The following ARRB1 variants were observed in gnomAD, a reference collection of about 807,000 sequenced individuals.
ARRB1 encodes arrestin beta 1, also known as beta-arrestin-1.
A neutral mutation model predicts 56.8 loss-of-function variants in ARRB1; 21 were observed. The observed-to-expected ratio is 0.37, with a 90% CI of 0.26 to 0.53. The LOEUF (loss-of-function observed/expected upper bound fraction) is 0.53. Ranked by LOEUF, ARRB1 falls within the 20% of genes least tolerant of loss-of-function variation. The probability of loss-of-function intolerance (pLI) is 0.88; values close to 1 mark genes in which losing one functional copy is unlikely to be tolerated. For missense variants in ARRB1, 424 were observed against 553.7 expected, an observed-to-expected ratio of 0.77 and a Z score of 2.35; for synonymous variants, 210 against 218.6, an observed-to-expected ratio of 0.96 and a Z score of 0.35.
rs1335903129 is a variant in ARRB1 at position 75,263,097 on chromosome 11, T to G, written c.*3066A>C. On this transcript the variant is annotated 3_prime_UTR_variant, in exon 16 of 16. Coordinates refer to ENST00000420843, the MANE Select transcript of ARRB1 (RefSeq NM_004041.5). ...TCCCAGTGACGGATGGCTTGGCCAG[T>G]GCAGGCCCCAAACACTTGGCAGAGA... 6.6e-6 allele frequency among the ~76,000 whole-genome samples: 1 copy of G among 152,190 alleles called. No individual in the cohort carries two copies. Among genetic ancestry groups the G allele is most frequent in the Non-Finnish European group, 1.5e-5 (1 of 68,024 alleles).
At chr11:75,269,119 C>A in intron 13 of ARRB1, 160 bp from the exon 14 acceptor site, 1 of 785,696 alleles carries the variant, frequency 1.3e-6, no homozygotes, top group East Asian at 2.5e-5. Flanking sequence ...CTCGGAGCCT[C>A]GGTCTGCCTG....
chr11:75,316,121 A>T lies in ARRB1; in HGVS notation c.21-26082T>A, dbSNP rs575452867. ...GGCAGACAGATCACCTGAGATCAGG[A>T]GTTCAAGACCAGGCTGGCCAACATG... On this transcript the variant is annotated intron_variant, in intron 1 of 15. Coordinates refer to ENST00000420843, the MANE Select transcript of ARRB1 (RefSeq NM_004041.5). Among the ~76,000 whole-genome samples the T allele has an allele frequency of 3.3e-5, 5 of 152,290 alleles. No homozygotes were observed. In the South Asian group the frequency reaches 1.0e-3, roughly 32 times the overall value.
chr11:75,299,302 CAGG>C (rs982573698), intron 1 of ARRB1, among the ~76,000 whole-genome samples: 10 of 151,180 alleles, frequency 6.6e-5, no homozygotes, highest in African/African-American at 2.4e-4. Flanking sequence ...TAAATACTGA[CAGG>C]AGTTGAAGAA....
At chr11:75,290,399 T>A (rs1176287185) in intron 1 of ARRB1, among the ~76,000 whole-genome samples, 1 of 151,998 alleles carries the variant, frequency 6.6e-6, no homozygotes, top group Non-Finnish European at 1.5e-5. Context: ...CCTACTACTC[T>A]CCCTCACCCA....
intron 1 of ARRB1, among the ~76,000 whole-genome samples, chr11:75,311,359 AATTAAG>A (rs1005089111): frequency 6.6e-6 from 1 of 152,220 alleles, no homozygotes; most frequent in African/African-American, 2.4e-5. Context: ...AAATTAAAAA[AATTAAG>A]AGGCCACAGC....
chr11:75,274,165 T>A lies in ARRB1; in HGVS notation c.823A>T (p.Thr275Ser). The change falls in exon 11 of 16, where the codon ACC (threonine) becomes TCC (serine). Residue 275 changes from threonine to serine, a missense_variant. Transcript: ENST00000420843. ...SSTFCKVYTL[T>S]PFLANNREKR... ...TCTCGGTTATTGGCTAGGAAGGGGG[T>A]CAGTGTGTAGACCTTGCAGAACGTC... 1 of 1,614,010 alleles carries A rather than the reference T, an allele frequency of 6.2e-7. No homozygotes were observed. The highest frequency in any genetic ancestry group is 8.5e-7 in the Non-Finnish European group (1 of 1,179,976).
chr11:75,319,487 C>T (rs577735924), intron 1 of ARRB1, among the ~76,000 whole-genome samples: 49 of 152,336 alleles, frequency 3.2e-4, no homozygotes, highest in Middle Eastern at 3.4e-3. Flanking sequence ...CCTTCCCACC[C>T]TGCCTCTCTG....
chr11:75,339,525 AAC>A (rs1947664190), intron 1 of ARRB1, among the ~76,000 whole-genome samples: 1 of 152,194 alleles, frequency 6.6e-6, no homozygotes, highest in Admixed American at 6.5e-5. Flanking sequence ...CCTGGATGAA[AAC>A]ACATGTCACA....
intron 10 of ARRB1, 149 bp from the exon 11 acceptor site, chr11:75,274,360 A>G (rs1317944960): frequency 8.9e-7 from 1 of 1,128,794 alleles, no homozygotes; most frequent in Non-Finnish European, 1.2e-6. Context: ...CACTTGGGCC[A>G]GCCCAGCTCG....
intron 1 of ARRB1, among the ~76,000 whole-genome samples, chr11:75,296,358 T>C (rs1026190165): frequency 6.6e-6 from 1 of 152,188 alleles, no homozygotes; most frequent in Admixed American, 6.6e-5. Flanking sequence ...TCCGTGTCTG[T>C]GCAGACTGCT....
In ARRB1 at chr11:75,267,721, GGGCA is replaced by G; in HGVS notation, c.1094-22_1094-19del. On this transcript the variant is annotated intron_variant, in intron 14 of 15. Coordinates refer to ENST00000420843, the MANE Select transcript of ARRB1 (RefSeq NM_004041.5). Reference sequence around the variant, plus strand: ...CTCTGGAACTAAACACAGGGTGGGTGGGCAGGGTGTCCAGGGATTAGTGAGTGGA... The same window carrying G: ...CTCTGGAACTAAACACAGGGTGGGTGGGGTGTCCAGGGATTAGTGAGTGGA... 1 of 1,556,232 alleles carries G rather than the reference GGGCA, an allele frequency of 6.4e-7. No homozygotes were observed. The highest frequency in any genetic ancestry group is 8.8e-7 in the Non-Finnish European group (1 of 1,132,144).
rs1947852617 is a variant in ARRB1, at chr11:75,351,597, T to C, written c.11A>G (p.Lys4Arg). ...GCCGCCCTGCACTCACCGGGTCCCT[T>C]TGTCGCCCATGGTCCGCGACGGTCG... is the stretch of plus-strand genomic sequence containing the variant. MGD[K>R]GTRVFKKASP... The change falls in exon 1 of 16, where the codon AAA (lysine) becomes AGA (arginine). Residue 4 changes from lysine to arginine, a missense_variant. Coordinates refer to ENST00000420843, the MANE Select transcript of ARRB1 (RefSeq NM_004041.5). The C allele has an allele frequency of 1.4e-6, 2 of 1,466,690 alleles. No individual in the cohort carries two copies. The highest frequency in any genetic ancestry group is 1.8e-6 in the Non-Finnish European group (2 of 1,113,724). 90.9% of individuals were successfully genotyped at this position (1,466,690 alleles called of 1,614,324 possible). A position where few individuals can be genotyped will look rare whatever the true frequency, so the allele number is the denominator to read the frequency against.
At position 75,260,560 on chromosome 11, in the gene ARRB1, A is replaced by T. The variant is rs1945761760; in HGVS notation, c.*5603T>A. ...TCACCACCTCATATGACCACCTATC[A>T]TACCCACCTCTCCTATGACCCTTGC... On this transcript the variant is annotated 3_prime_UTR_variant, in exon 16 of 16. Coordinates refer to ENST00000420843, the MANE Select transcript of ARRB1 (RefSeq NM_004041.5). 1 of 152,174 alleles carries T rather than the reference A, an allele frequency of 6.6e-6. No individual in the cohort carries two copies. Among genetic ancestry groups the T allele is most frequent in the Non-Finnish European group, 1.5e-5 (1 of 68,068 alleles). The allele number at this position is 152,174 out of a possible 1,614,324, so 9.4% of individuals were successfully genotyped here. A position where few individuals can be genotyped will look rare whatever the true frequency, so the allele number is the denominator to read the frequency against.
At chr11:75,268,766 A>G in intron 14 of ARRB1, 123 bp downstream of exon 14, 1 of 1,056,338 alleles carries the variant, frequency 9.5e-7, no homozygotes. Context: ...GACCCCACAA[A>G]AGATCTGGGG....
chr11:75,342,839 C>A (rs1319745006), intron 1 of ARRB1, among the ~76,000 whole-genome samples: 2 of 152,238 alleles, frequency 1.3e-5, no homozygotes, highest in Non-Finnish European at 2.9e-5. Flanking sequence ...CGCCAATCCC[C>A]TTCCCAGAGA....
chr11:75,313,990 G>A (rs151094236), intron 1 of ARRB1, among the ~76,000 whole-genome samples: 6 of 152,212 alleles, frequency 3.9e-5, no homozygotes, highest in Non-Finnish European at 7.4e-5. Flanking sequence ...ACTCTTAACC[G>A]CTCCCAAGAG....
rs369260152 is a variant in ARRB1 at position 75,339,405 on chromosome 11, C to T, written c.20+12183G>A. Among the ~76,000 whole-genome samples the T allele has an allele frequency of 5.4e-4, 83 of 152,308 alleles. 1 individual carries two copies. Among genetic ancestry groups the T allele is most frequent in the African/African-American group, 1.9e-3 (80 of 41,564 alleles). ...CACTTTTCACCCTAGTTTTTTTGTCCTCAAGCAGTCTGCATTCCCAAGACA... is the reference window on the plus strand; with the variant it reads ...CACTTTTCACCCTAGTTTTTTTGTCTTCAAGCAGTCTGCATTCCCAAGACA... On this transcript the variant is annotated intron_variant, in intron 1 of 15. Transcript: ENST00000420843.
intron 1 of ARRB1, among the ~76,000 whole-genome samples, chr11:75,326,873 A>G (rs1353572691): frequency 6.6e-6 from 1 of 151,736 alleles, no homozygotes; most frequent in East Asian, 2.0e-4. Flanking sequence ...CCCATGCCTA[A>G]TTTTTGTATT....
chr11:75,283,941 G>A (rs1023015451), intron 4 of ARRB1, among the ~76,000 whole-genome samples: 1 of 152,068 alleles, frequency 6.6e-6, no homozygotes, highest in Non-Finnish European at 1.5e-5. Context: ...ATACTGCCCC[G>A]GTATCAATGT....
Sources: allele counts gnomAD v4.1 joint callset (sites outside exome capture counted in the v4.1 genomes callset), GRCh38; gene constraint gnomAD v4.1.1; transcripts MANE v1.5; gene names NCBI Gene and HGNC (gene_info 2026-07-23, HGNC 2026-07-21).